Variants in LTBP4 observed in about 807,000 individuals in gnomAD.
LTBP4 encodes the protein latent-transforming growth factor beta-binding protein 4.
Under a neutral mutation model 180.2 loss-of-function variants are expected in LTBP4, and 93 were observed. The ratio of observed to expected loss-of-function variants is 0.52; its 90% CI spans 0.44 to 0.61. The LOEUF (loss-of-function observed/expected upper bound fraction) is 0.61. Among genes scored for constraint, LTBP4 ranks in the 20% least tolerant of loss-of-function variants. The pLI is 0.00. For synonymous variants in LTBP4, 947 were observed against 934.5 expected (o/e 1.01, Z -0.24); for missense variants, 2,116 against 2,256.5 (o/e 0.94, Z 1.26).
At chr19:40,616,582 A>T (rs997811764) in intron 19 of LTBP4, among the ~76,000 whole-genome samples, 8 of 152,066 alleles carry the variant, frequency 5.3e-5, no homozygotes, top group Admixed American at 6.6e-5. Flanking sequence ...AAAATACAAA[A>T]ATTAGCTAGG....
chr19:40,613,970 C>G lies in LTBP4; in HGVS notation c.2612C>G (p.Thr871Ser). The change falls in exon 18 of 30, where the codon ACC (threonine) becomes AGC (serine). Residue 871 changes from threonine (T) to serine (S), a missense_variant. By Grantham distance (58) the Thr-to-Ser change is moderately conservative (BLOSUM62 1). Coordinates refer to ENST00000396819, the MANE Select transcript of LTBP4 (RefSeq NM_001042545.2). The surrounding 1 kb of genome is among the most constrained non-coding windows in gnomAD (Gnocchi z 5.0). ...DLCQSGICTNTDGSFECICPP... is the reference protein window; with the variant it reads ...DLCQSGICTNSDGSFECICPP... The stretch of plus-strand genomic sequence containing the variant: ...TGCCAGAGCGGCATCTGTACCAACA[C>G]CGACGGCTCCTTCGAGTGCATCTGT... The G allele has an allele frequency of 6.2e-7, 1 of 1,613,764 alleles. No individual in the cohort carries two copies. The highest frequency in any genetic ancestry group is 1.1e-5 in the South Asian group (1 of 91,070).
At chr19:40,604,010 G>A (rs996467341) in intron 1 of LTBP4, among the ~76,000 whole-genome samples, 12 of 152,268 alleles carry the variant, frequency 7.9e-5, no homozygotes, top group Non-Finnish European at 1.5e-4. Flanking sequence ...GCTCCGCCCC[G>A]GTGCTACTGG....
chr19:40,604,900 C>A, intron 1 of LTBP4, 135 bp from the exon 2 acceptor site: 1 of 742,796 alleles, frequency 1.3e-6, no homozygotes, highest in Non-Finnish European at 2.2e-6. Context: ...AATGCTGATG[C>A]CAGAATTGGG....
At chr19:40,626,386 C>G (rs1245319018) in intron 27 of LTBP4, among the ~76,000 whole-genome samples, 4 of 152,080 alleles carry the variant, frequency 2.6e-5, no homozygotes, top group Admixed American at 2.0e-4. Context: ...CATCCTGGCC[C>G]CAGACCCCCT....
intron 1 of LTBP4, chr19:40,593,218 T>G: frequency 1.2e-6 from 2 of 1,612,730 alleles, no homozygotes; most frequent in South Asian, 2.2e-5. Context: ...CTGAAATAGC[T>G]GTGCACCTCA....
chr19:40,617,362 T>C (rs1424660425), intron 21 of LTBP4, 137 bp downstream of exon 21: 2 of 1,246,796 alleles, frequency 1.6e-6, no homozygotes, highest in Non-Finnish European at 2.2e-6. Flanking sequence ...ATCATCTTCA[T>C]GCCAGGCACG....
chr19:40,610,760 T>G, intron 12 of LTBP4, 103 bp downstream of exon 12: 2 of 1,455,038 alleles, frequency 1.4e-6, no homozygotes, highest in Non-Finnish European at 1.8e-6. Flanking sequence ...CGAGTTGATT[T>G]GGAGACAGAG....
At chr19:40,620,335 C>T (rs2081577915) in intron 22 of LTBP4, among the ~76,000 whole-genome samples, 1 of 151,670 alleles carries the variant, frequency 6.6e-6, no homozygotes, top group Admixed American at 6.6e-5. Flanking sequence ...ACCTCCTGTG[C>T]TCAAGGAATC....
At chr19:40,602,145 T>TTGTG (rs751242257) in intron 1 of LTBP4, among the ~76,000 whole-genome samples, 4,385 of 81,744 alleles carry the variant, frequency 0.054, 238 homozygotes, top group African/African-American at 0.13. Context: ...GAGACGGGGG[T>TTGTG]TGTGTGTGTG....
rs2081503675 is a variant in LTBP4, at chr19:40,611,245, T to C, written c.1904T>C (p.Phe635Ser). ...TTCCGCTGTGTTTGCCCGGCTGGCT[T>C]CCGGGGCTCGGCGTGTGAAGAGGAT... ...GSFRCVCPAG[F>S]RGSACEEDVD... The change falls in exon 13 of 30, where the codon TTC becomes TCC. Residue 635 changes from phenylalanine to serine, a missense_variant. Around this residue, in one of 5 missense-constraint regions of LTBP4, gnomAD observed 877 missense variants for 873.6 expected, o/e 1.00. Transcript: ENST00000396819. This position sits in a 1 kb window ranked among gnomAD's most constrained non-coding sequence, Gnocchi z 4.4. 6.2e-7 allele frequency: 1 copy of C among 1,613,352 alleles called. No homozygotes were observed. Among genetic ancestry groups the C allele is most frequent in the Non-Finnish European group, 8.5e-7 (1 of 1,179,674 alleles).
At position 40,608,278 on chromosome 19, in the gene LTBP4, C is replaced by T. The variant is rs2081477754; in HGVS notation, c.1215C>T (p.Leu405=). 1 of 1,613,952 alleles carries T rather than the reference C, an allele frequency of 6.2e-7. No homozygotes were observed. Among genetic ancestry groups the T allele is most frequent in the Non-Finnish European group, 8.5e-7 (1 of 1,179,866 alleles). Residue 405 remains leucine (L), a synonymous_variant, in exon 8 of 30, where the codon CTC becomes CTT. Transcript: ENST00000396819. ...GPGYHYSASD[L]RYNTRPLGQE... Reference sequence around the variant, plus strand: ...GTTACCACTACTCGGCCTCCGACCTCCGCTACAACACCAGACCCCTGGGCC... The same window carrying T: ...GTTACCACTACTCGGCCTCCGACCTTCGCTACAACACCAGACCCCTGGGCC...
At chr19:40,600,753 G>A (rs1241137656), upstream of LTBP4, among the ~76,000 whole-genome samples, 1 of 151,956 alleles carries the variant, frequency 6.6e-6, no homozygotes, top group Non-Finnish European at 1.5e-5. The surrounding 1 kb of genome is among the most constrained non-coding windows in gnomAD (Gnocchi z 4.4). Context: ...CCCGCCCACA[G>A]CCTCCCTTTA....
rs2081658163 is a variant in LTBP4 at position 40,629,097 on chromosome 19, C to T, written c.4520-299C>T. Among the ~76,000 whole-genome samples, 2 of 152,258 alleles carry T rather than the reference C, an allele frequency of 1.3e-5. No homozygotes were observed. Among genetic ancestry groups the T allele is most frequent in the Non-Finnish European group, 2.9e-5 (2 of 68,010 alleles). ...ACTCCGGCCTCAAGTGATCCACCCG[C>T]CTCAGCCTCCCAAAGTGCTGAGATT... On this transcript the variant is annotated intron_variant, in intron 29 of 29. Coordinates refer to ENST00000396819, the MANE Select transcript of LTBP4 (RefSeq NM_001042545.2). The surrounding 1 kb of genome is among the most constrained non-coding windows in gnomAD (Gnocchi z 4.5).
At position 40,623,693 on chromosome 19, in the gene LTBP4, A is replaced by ATG. The variant is rs1442482028; in HGVS notation, c.3646_3647insTG (p.Asn1216MetfsTer147). ...CCCGGGCTACTCATGCTATTGCAGC[A>ATG]ACGGCTACTACTACCACACACAGCG... On this transcript the variant is annotated frameshift_variant, in exon 25 of 30. Transcript: ENST00000396819. LOFTEE classifies it high-confidence loss of function. The ATG allele has an allele frequency of 6.2e-7, 1 of 1,613,722 alleles. No individual in the cohort carries two copies. Among genetic ancestry groups the ATG allele is most frequent in the African/African-American group, 1.3e-5 (1 of 74,852 alleles).
intron 1 of LTBP4, among the ~76,000 whole-genome samples, chr19:40,594,272 A>G (rs965455465): frequency 6.7e-6 from 1 of 150,220 alleles, no homozygotes; most frequent in Non-Finnish European, 1.5e-5. Context: ...GAGGGGTGGA[A>G]GATTCTGGAA....
Position 40,617,174 on chromosome 19 carries a change from T to C in LTBP4, c.3019T>C (p.Cys1007Arg). 2 of 1,613,678 alleles carry C rather than the reference T, an allele frequency of 1.2e-6. No homozygotes were observed. The highest frequency in any genetic ancestry group is 1.7e-6 in the Non-Finnish European group (2 of 1,179,808). The change falls in exon 21 of 30, where the codon TGC (cysteine) becomes CGC (arginine). Residue 1007 changes from cysteine to arginine, a missense_variant. Cys to Arg is a radical substitution (Grantham distance 180). Transcript: ENST00000396819. ...CCAGAACCTGCCCGGCTCCTTCCAG[T>C]GCCTCTGTGACCAGGGTTACGAGGG... ...VCQNLPGSFQ[C>R]LCDQGYEGAR...
chr19:40,621,747 G>GT (rs1440764831), intron 22 of LTBP4, among the ~76,000 whole-genome samples: 1 of 152,042 alleles, frequency 6.6e-6, no homozygotes, highest in Non-Finnish European at 1.5e-5. Flanking sequence ...CAAGGCATAG[G>GT]TTTTTTGTTT....
In LTBP4 at chr19:40,627,227, G is replaced by T. The variant is rs1417271361; in HGVS notation, c.4238G>T (p.Gly1413Val). The change falls in exon 28 of 30, where the codon GGT becomes GTT. Residue 1413 changes from glycine (G) to valine (V), a missense_variant. Physicochemically the swap from Gly to Val is moderately radical, Grantham distance 109. This residue lies in a region of LTBP4 where 488 missense variants were observed against 458.8 expected (regional missense o/e 1.06). Transcript: ENST00000396819. The stretch of plus-strand genomic sequence containing the variant: ...GACATGCCAGACTTTGAGGACGATG[G>T]TGGCCCCTATGGCGAATCTGAGGCT... ...RFDMPDFEDD[G>V]GPYGESEAPA... The T allele has an allele frequency of 6.2e-7, 1 of 1,605,694 alleles. No homozygotes were observed. The highest frequency in any genetic ancestry group is 1.7e-5 in the Admixed American group (1 of 59,074).
At chr19:40,597,491 T>C, upstream of LTBP4, 1 of 1,229,640 alleles carries the variant, frequency 8.1e-7, no homozygotes, top group Non-Finnish European at 1.1e-6. Flanking sequence ...GATGTGGAGA[T>C]GCAAAGAGGG....
Sources: gnomAD v4.1 joint callset for allele counts (sites outside exome capture counted in the v4.1 genomes callset) on GRCh38, gnomAD v4.1.1 for gene constraint, gnomAD v4.1.1 regional missense constraint, Gnocchi (gnomAD v3.1) non-coding constraint, MANE v1.5 for transcripts, NCBI Gene and HGNC (gene_info 2026-07-23, HGNC 2026-07-21) for gene names.